Variants in POLA2 observed in about 807,000 individuals in gnomAD.
The protein encoded by POLA2 is DNA polymerase alpha subunit B.
A neutral mutation model predicts 82.8 loss-of-function variants in POLA2; 47 were observed. The ratio of observed to expected loss-of-function variants is 0.57; its 90% CI spans 0.45 to 0.72. The LOEUF (loss-of-function observed/expected upper bound fraction) is 0.72. Ranked by LOEUF, POLA2 falls within the 30% of genes least tolerant of loss-of-function variation. The pLI is 0.00. For synonymous variants in POLA2, 287 were observed against 286.8 expected, an observed-to-expected ratio of 1.00 and a Z score of -0.01; for missense variants, 634 against 728.1, an observed-to-expected ratio of 0.87 and a Z score of 1.49.
Position 65,266,616 on chromosome 11 carries a change from G to A in POLA2, c.114G>A (p.Glu38=), listed in dbSNP as rs779649556. The A allele has an allele frequency of 2.4e-5, 38 of 1,613,974 alleles. No homozygotes were observed. The highest frequency in any genetic ancestry group is 2.0e-4 in the East Asian group (9 of 44,898). The change falls in exon 2 of 18, where the codon GAG becomes GAA. Residue 38 remains glutamate (E), a synonymous_variant. Transcript: ENST00000265465. ...TTTGTGTTCAGTATGGACAGAATGA[G>A]GAGGGAATGGTAGGCGAGCTTATAG... ...VELCVQYGQN[E]EGMVGELIAF...
rs757759018 is a variant in POLA2 at position 65,295,579 on chromosome 11, G to C, written c.1500G>C (p.Lys500Asn). The part of the protein sequence containing the change: ...GTSDRFSRIL[K>N]HILTQRSYYP... ...CAGACAGATTCAGCCGAATACTCAA[G>C]CACATCTTGACCCAGAGGAGGTGAG... Residue 500 changes from lysine to asparagine, a missense_variant, in exon 16 of 18, where the codon AAG becomes AAC. Lys to Asn is a moderately conservative substitution (Grantham distance 94). Coordinates refer to ENST00000265465, the MANE Select transcript of POLA2 (RefSeq NM_002689.4). 1.9e-6 allele frequency: 3 copies of C among 1,613,904 alleles called. No homozygotes were observed. In the Admixed American group the frequency reaches 5.0e-5, roughly 27 times the overall value.
At chr11:65,302,511 C>T (rs373915311), downstream of POLA2, among the ~76,000 whole-genome samples, 3 of 152,068 alleles carry the variant, frequency 2.0e-5, no homozygotes, top group African/African-American at 4.8e-5. Flanking sequence ...TGATTCCCAG[C>T]GAATAGGGGG....
At chr11:65,289,696 C>T (rs1253391342) in intron 12 of POLA2, 103 bp from the exon 13 acceptor site, 2 of 708,676 alleles carry the variant, frequency 2.8e-6, no homozygotes, top group African/African-American at 3.6e-5. Context: ...TCCTTCAGCT[C>T]CTAGCCCAAC....
intron 4 of POLA2, among the ~76,000 whole-genome samples, chr11:65,274,206 G>A (rs1219156106): frequency 6.6e-6 from 1 of 151,570 alleles, no homozygotes; most frequent in East Asian, 1.9e-4. Flanking sequence ...TACAAAATTA[G>A]CTGGGCGTGG....
chr11:65,276,525 A>T (rs1182236991), intron 5 of POLA2, among the ~76,000 whole-genome samples: 5 of 151,948 alleles, frequency 3.3e-5, no homozygotes, highest in African/African-American at 1.2e-4. Context: ...CTTAATTGGT[A>T]TTTTGTCCCT....
intron 13 of POLA2, among the ~76,000 whole-genome samples, chr11:65,292,661 T>A (rs936289528): frequency 6.6e-6 from 1 of 152,204 alleles, no homozygotes; most frequent in Non-Finnish European, 1.5e-5. Context: ...AAAGGGACAA[T>A]AATGAATATG....
At position 65,278,766 on chromosome 11, in the gene POLA2, C is replaced by T. The variant is rs771671574; in HGVS notation, c.498C>T (p.Asn166=). The T allele has an allele frequency of 3.7e-6, 6 of 1,613,676 alleles. No homozygotes were observed. The highest frequency in any genetic ancestry group is 2.2e-5 in the East Asian group (1 of 44,882). Residue 166 remains asparagine (N), a synonymous_variant, in exon 6 of 18, where the codon AAC becomes AAT. Transcript: ENST00000265465. ...CCCAGAAATACAACTCACGAAGTAA[C>T]CGAGGAGAAGTGGTTACCTCCTTCG... is the stretch of plus-strand genomic sequence containing the variant. The part of the protein sequence containing the change: ...TPSQKYNSRS[N]RGEVVTSFGL...
chr11:65,267,036 T>C (rs1949468978), intron 2 of POLA2, among the ~76,000 whole-genome samples: 1 of 152,158 alleles, frequency 6.6e-6, no homozygotes, highest in Admixed American at 6.6e-5. Flanking sequence ...TGAAACCCTG[T>C]CTCTACTAAA....
At chr11:65,274,554 C>T (rs990949439) in intron 4 of POLA2, among the ~76,000 whole-genome samples, 2 of 151,676 alleles carry the variant, frequency 1.3e-5, no homozygotes, top group African/African-American at 4.8e-5. Context: ...GTGGCGGGCA[C>T]CTGTAGTCCC....
intron 4 of POLA2, among the ~76,000 whole-genome samples, chr11:65,273,847 A>T (rs1949547284): frequency 6.7e-6 from 1 of 149,808 alleles, no homozygotes; most frequent in African/African-American, 2.5e-5. Context: ...CCTAGGGGGA[A>T]AAAAAAAACT....
chr11:65,282,377 C>A, intron 9 of POLA2, 102 bp from the exon 10 acceptor site: 1 of 902,084 alleles, frequency 1.1e-6, no homozygotes, highest in Admixed American at 1.8e-5. Context: ...CCACTGTCCT[C>A]CCATCACACA....
chr11:65,285,257 T>C (rs1033112785), intron 10 of POLA2, among the ~76,000 whole-genome samples: 15 of 151,970 alleles, frequency 9.9e-5, no homozygotes, highest in African/African-American at 3.6e-4. Context: ...ATACAAAAAT[T>C]AGCTTGGCTT....
At chr11:65,265,323 G>T (rs923332731) in intron 1 of POLA2, among the ~76,000 whole-genome samples, 1 of 151,932 alleles carries the variant, frequency 6.6e-6, no homozygotes, top group African/African-American at 2.4e-5. Context: ...CACCAAAGCT[G>T]CTCTACTCAA....
chr11:65,295,617 A>AC lies in POLA2; in HGVS notation c.1520+22dup. On this transcript the variant is annotated intron_variant, in intron 16 of 17. Transcript: ENST00000265465. The stretch of plus-strand genomic sequence containing the variant: ...CAGAGGAGGTGAGCTTGCCGCTGGG[A>AC]CCCCTGACTGTGGAGAGAGTGCCTT... The AC allele has an allele frequency of 6.2e-7, 1 of 1,606,150 alleles. No homozygotes were observed. Among genetic ancestry groups the AC allele is most frequent in the Non-Finnish European group, 8.5e-7 (1 of 1,173,504 alleles).
downstream of POLA2, among the ~76,000 whole-genome samples, chr11:65,303,041 T>G (rs1180951726): frequency 6.6e-6 from 1 of 152,084 alleles, no homozygotes; most frequent in Non-Finnish European, 1.5e-5. Flanking sequence ...TGTGTCTGGA[T>G]TACTTTAAAA....
chr11:65,263,305 C>T (rs113643545), intron 1 of POLA2, among the ~76,000 whole-genome samples: 2 of 150,086 alleles, frequency 1.3e-5, no homozygotes, highest in African/African-American at 2.5e-5. Flanking sequence ...CTTCAGCCTC[C>T]GCCTCCCAGG....
chr11:65,275,940 A>G lies in POLA2; in HGVS notation c.403A>G (p.Arg135Gly). The change falls in exon 5 of 18, where the codon AGG becomes GGG. Residue 135 changes from arginine (R) to glycine (G), a missense_variant. Coordinates refer to ENST00000265465, the MANE Select transcript of POLA2 (RefSeq NM_002689.4). ...TACCCCAGAAACCCCCCTAACAAAA[A>G]GGAGTGTGTCAACTCGTAGCCCCCA... The part of the protein sequence containing the change: ...ISTPETPLTK[R>G]SVSTRSPHQL... The G allele has an allele frequency of 6.2e-7, 1 of 1,609,444 alleles. No individual in the cohort carries two copies. The highest frequency in any genetic ancestry group is 1.3e-5 in the African/African-American group (1 of 74,854).
intron 11 of POLA2, 149 bp downstream of exon 11, chr11:65,287,989 C>A: frequency 2.3e-6 from 2 of 869,818 alleles, no homozygotes; most frequent in Non-Finnish European, 3.4e-6. Flanking sequence ...GTATATATAT[C>A]TATGGGCCTT....
At chr11:65,282,950 G>A (rs1949656538) in intron 10 of POLA2, among the ~76,000 whole-genome samples, 1 of 152,108 alleles carries the variant, frequency 6.6e-6, no homozygotes, top group South Asian at 2.1e-4. Context: ...GCAACATAGG[G>A]AGACCCTGTC....
Sources: allele counts gnomAD v4.1 joint callset (sites outside exome capture counted in the v4.1 genomes callset), GRCh38; gene constraint gnomAD v4.1.1; transcripts MANE v1.5; gene names NCBI Gene and HGNC (gene_info 2026-07-23, HGNC 2026-07-21).